Variants in AXIN1 observed in about 807,000 individuals in gnomAD.
AXIN1 encodes the protein axin-1.
In AXIN1, 30 loss-of-function variants were observed where a neutral mutation model predicts 76.4. The ratio of observed to expected loss-of-function variants is 0.39; its 90% CI spans 0.29 to 0.53. AXIN1 has a LOEUF of 0.53. Ranked by LOEUF, AXIN1 falls within the 20% of genes least tolerant of loss-of-function variation. The pLI is 0.66. For synonymous variants in AXIN1, 545 were observed against 501.4 expected (o/e 1.09, Z -1.16); for missense variants, 1,140 against 1,198.8 (o/e 0.95, Z 0.72).
At chr16:288,335 C>T (rs775725102) in intron 10 of AXIN1, 87 bp from the exon 11 acceptor site, 2 of 1,595,668 alleles carry the variant, frequency 1.3e-6, no homozygotes, top group Admixed American at 1.7e-5. Context: ...TGTCCACACC[C>T]CATCCCGAGG....
intron 7 of AXIN1, among the ~76,000 whole-genome samples, chr16:295,886 G>C (rs374043642): frequency 6.6e-6 from 1 of 152,164 alleles, no homozygotes; most frequent in South Asian, 2.1e-4. Flanking sequence ...AGAATTGCTT[G>C]AACCCAGGAG....
At chr16:320,714 CGT>C (rs199984043) in intron 2 of AXIN1, among the ~76,000 whole-genome samples, 19,455 of 131,358 alleles carry the variant, frequency 0.15, 1,821 homozygotes, top group African/African-American at 0.22. Context: ...TACGTATATG[CGT>C]GTGTGTGTAT....
In AXIN1 at chr16:302,340, G is replaced by A. The variant is rs116690511; in HGVS notation, c.1254+1964C>T. 2.4e-3 allele frequency among the ~76,000 whole-genome samples: 372 copies of A among 152,336 alleles called. 1 individual carries two copies. Among genetic ancestry groups the A allele is most frequent in the African/African-American group, 8.6e-3 (358 of 41,572 alleles). The stretch of plus-strand genomic sequence containing the variant: ...CACACCTGTGCCCTACCCAGATGAG[G>A]GTCACCCTCAGACCAACGGCCAGGG... On this transcript the variant is annotated intron_variant, in intron 5 of 10. Transcript: ENST00000262320.
intron 2 of AXIN1, among the ~76,000 whole-genome samples, chr16:336,665 A>C (rs1330884354): frequency 6.6e-6 from 1 of 151,902 alleles, no homozygotes; most frequent in Non-Finnish European, 1.5e-5. Context: ...AAAAATACAA[A>C]AATTAGCCAG....
In AXIN1 at chr16:346,750, C is replaced by A. The variant is rs764927525; in HGVS notation, c.276G>T (p.Leu92=). Residue 92 remains leucine, a synonymous_variant, in exon 2 of 11, where the codon CTG becomes CTT. Coordinates refer to ENST00000262320, the MANE Select transcript of AXIN1 (RefSeq NM_003502.4). The part of the protein sequence containing the change: ...YLKWAESLHS[L]LDDQDGISLF... Reference sequence around the variant, plus strand: ...GGCTTATCCCATCTTGGTCATCCAGCAGGGAATGCAGTGACTCAGCCCACT... The same window carrying A: ...GGCTTATCCCATCTTGGTCATCCAGAAGGGAATGCAGTGACTCAGCCCACT... 2 of 1,601,860 alleles carry A rather than the reference C, an allele frequency of 1.2e-6. No individual in the cohort carries two copies. The highest frequency in any genetic ancestry group is 1.7e-6 in the Non-Finnish European group (2 of 1,172,014).
chr16:292,953 C>CGTCCCGG (rs2052609328), intron 8 of AXIN1: 3 of 145,036 alleles, frequency 2.1e-5, no homozygotes, highest in Admixed American at 6.1e-5. Flanking sequence ...GTGGGCTGGA[C>CGTCCCGG]ATCCAGGATG....
At chr16:299,787 C>T (rs559431539) in intron 5 of AXIN1, among the ~76,000 whole-genome samples, 1 of 152,266 alleles carries the variant, frequency 6.6e-6, no homozygotes, top group South Asian at 2.1e-4. Context: ...TGCCCAGTAG[C>T]TGGGACTACA....
At chr16:349,267 A>G (rs1340985352) in intron 1 of AXIN1, among the ~76,000 whole-genome samples, 2 of 152,150 alleles carry the variant, frequency 1.3e-5, no homozygotes, top group Non-Finnish European at 2.9e-5. Flanking sequence ...GCAGGAACAC[A>G]CAGCTTCTAA....
chr16:327,091 G>A (rs989656197), intron 2 of AXIN1, among the ~76,000 whole-genome samples: 8 of 151,810 alleles, frequency 5.3e-5, no homozygotes, highest in African/African-American at 1.5e-4. Flanking sequence ...GCAGTGAGCC[G>A]AGATCGCACC....
rs1488479172 is a variant in AXIN1 at position 346,825 on chromosome 16, G to C, written c.201C>G (p.Asp67Glu). 1.9e-6 allele frequency: 3 copies of C among 1,613,572 alleles called. No individual in the cohort carries two copies. Among genetic ancestry groups the C allele is most frequent in the Non-Finnish European group, 2.5e-6 (3 of 1,179,554 alleles). The change falls in exon 2 of 11, where the codon GAC (aspartate) becomes GAG (glutamate). Residue 67 changes from aspartate to glutamate, a missense_variant. Coordinates refer to ENST00000262320, the MANE Select transcript of AXIN1 (RefSeq NM_003502.4). ...STATPRRSDL[D>E]LGYEPEGSAS... is the part of the protein sequence containing the mutation. ...CACTGCCCTCAGGCTCATACCCCAG[G>C]TCCAGATCCGAGCGCCTCGGAGTGG...
chr16:312,571 C>T (rs774637482), intron 3 of AXIN1, among the ~76,000 whole-genome samples: 22 of 152,164 alleles, frequency 1.4e-4, no homozygotes, highest in Non-Finnish European at 2.5e-4. Flanking sequence ...ACCACCTGGC[C>T]CGAGGCTTCA....
chr16:323,674 G>A (rs369538226), intron 2 of AXIN1, among the ~76,000 whole-genome samples: 20 of 151,688 alleles, frequency 1.3e-4, no homozygotes, highest in South Asian at 4.2e-4. Flanking sequence ...CCAGCTACTC[G>A]GGAGTCTGAG....
At chr16:323,914 C>T (rs1397174933) in intron 2 of AXIN1, among the ~76,000 whole-genome samples, 2 of 152,240 alleles carry the variant, frequency 1.3e-5, no homozygotes, top group Middle Eastern at 3.4e-3. Flanking sequence ...GTGTCAACTG[C>T]GACAGGGGAT....
At position 287,902 on chromosome 16, in the gene AXIN1, T is replaced by C; in HGVS notation, c.*220A>G. On this transcript the variant is annotated 3_prime_UTR_variant, in exon 11 of 11. Coordinates refer to ENST00000262320, the MANE Select transcript of AXIN1 (RefSeq NM_003502.4). ...GGGCTGGGCCCTCCAAGTATTGCTA[T>C]GAGGAGTGGTCCAGGCTGCCTCCTT... The C allele has an allele frequency of 4.4e-6, 3 of 687,622 alleles. No individual in the cohort carries two copies. The highest frequency in any genetic ancestry group is 7.5e-6 in the Non-Finnish European group (3 of 401,798). 42.6% of individuals were successfully genotyped at this position (687,622 alleles called of 1,614,324 possible).
chr16:342,382 C>A (rs1239895383), intron 2 of AXIN1, among the ~76,000 whole-genome samples: 1 of 152,182 alleles, frequency 6.6e-6, no homozygotes, highest in Non-Finnish European at 1.5e-5. Context: ...CCCACCAATT[C>A]CGGACACACC....
intron 1 of AXIN1, among the ~76,000 whole-genome samples, chr16:351,935 C>T (rs1430425965): frequency 6.6e-6 from 1 of 152,124 alleles, no homozygotes; most frequent in Non-Finnish European, 1.5e-5. Context: ...AAGAGAAAGA[C>T]CAGTGTTTGG....
At position 314,573 on chromosome 16, in the gene AXIN1, G is replaced by A. The variant is rs2141592788; in HGVS notation, c.989C>T (p.Ala330Val). 2.5e-6 allele frequency: 4 copies of A among 1,613,920 alleles called. No individual in the cohort carries two copies. The highest frequency in any genetic ancestry group is 2.5e-6 in the Non-Finnish European group (3 of 1,179,914). Residue 330 changes from alanine (A) to valine (V), a missense_variant, in exon 3 of 11, where the codon GCA becomes GTA. Transcript: ENST00000262320. Reference protein sequence around the residue: ...DSEQQSLSSDADTLSLTDSSV... With the variant: ...DSEQQSLSSDVDTLSLTDSSV... ...GCTGTCCGTGAGGGACAGGGTGTCT[G>A]CATCGCTGGACAGGCTCTGCTGCTC...
rs1223980019 is a variant in AXIN1 at position 352,386 on chromosome 16, G to A, written c.-99C>T. ...CTACTCACCCGCGCGCGGTGGTGGC[G>A]GGACCCCGGGCCCGGCTCCCGGAGC... On this transcript the variant is annotated 5_prime_UTR_variant, in exon 1 of 11. Transcript: ENST00000262320. The A allele has an allele frequency of 2.6e-5, 25 of 973,056 alleles. No individual in the cohort carries two copies. Among genetic ancestry groups the A allele is most frequent in the African/African-American group, 1.6e-4 (9 of 54,998 alleles). The allele number at this position is 973,056 out of a possible 1,614,324, so 60.3% of individuals were successfully genotyped here.
chr16:290,724 C>G, intron 9 of AXIN1: 1 of 310,776 alleles, frequency 3.2e-6, no homozygotes, highest in South Asian at 2.9e-5. Context: ...GAGCAGAGCC[C>G]CGACTCACTG....
Sources: allele counts gnomAD v4.1 joint callset (sites outside exome capture counted in the v4.1 genomes callset), GRCh38; gene constraint gnomAD v4.1.1; transcripts MANE v1.5; gene names NCBI Gene and HGNC (gene_info 2026-07-23, HGNC 2026-07-21).